Variants in ATF6 observed in about 807,000 individuals in gnomAD.
ATF6 encodes the protein activating transcription factor 6.
Under a neutral mutation model 83.6 loss-of-function variants are expected in ATF6, and 53 were observed. The observed-to-expected ratio is 0.63, with a 90% CI of 0.51 to 0.80. ATF6 has a LOEUF of 0.80. Ranked by LOEUF, ATF6 falls within the 30% of genes least tolerant of loss-of-function variation. The pLI, the probability that ATF6 is intolerant of heterozygous loss-of-function variation, is 0.00. For missense variants in ATF6, 744 were observed against 797.9 expected (o/e 0.93, Z 0.81); for synonymous variants, 288 against 285.8 (o/e 1.01, Z -0.08).
intron 1 of ATF6, among the ~76,000 whole-genome samples, chr1:161,773,178 C>G (rs948217340): frequency 6.8e-5 from 10 of 147,714 alleles, no homozygotes; most frequent in Admixed American, 2.9e-4. Context: ...CTCTGTTACC[C>G]AGGCTGGAGT....
chr1:161,826,235 GAAGCCCTC>G lies in ATF6; in HGVS notation c.1187+5076_1187+5083del, dbSNP rs573762264. On this transcript the variant is annotated intron_variant, in intron 9 of 15. Transcript: ENST00000367942. The stretch of plus-strand genomic sequence containing the variant: ...GGGTTAGGGGGGACATCTCATTGTG[GAAGCCCTC>G]ATGAATCAATAGAATTTTAGGAAAG... Among the ~76,000 whole-genome samples the G allele has an allele frequency of 2.6e-4, 39 of 152,246 alleles. No individual in the cohort carries two copies. In the South Asian group the frequency reaches 7.3e-3, roughly 28 times the overall value.
At chr1:161,945,246 A>G (rs1688726489) in intron 15 of ATF6, among the ~76,000 whole-genome samples, 1 of 152,256 alleles carries the variant, frequency 6.6e-6, no homozygotes, top group Non-Finnish European at 1.5e-5. Flanking sequence ...GTTGGATCCT[A>G]TCAGTAATTT....
Position 161,912,301 on chromosome 1 carries a change from C to G in ATF6, c.1725C>G (p.His575Gln). 1 of 1,602,358 alleles carries G rather than the reference C, an allele frequency of 6.2e-7. No individual in the cohort carries two copies. ...TTGTTCTTTGTTAATTTTAGGATCA[C>G]CTGCTGTTACCAGCTACCACCCATA... is the stretch of plus-strand genomic sequence containing the variant. ...TFYVVSFRRDHLLLPATTHNK... is the reference protein window; with the variant it reads ...TFYVVSFRRDQLLLPATTHNK... The change falls in exon 15 of 16, where the codon CAC (histidine) becomes CAG (glutamine). Residue 575 changes from histidine (H) to glutamine (Q), a missense_variant. His to Gln is a conservative substitution (Grantham distance 24). Coordinates refer to ENST00000367942, the MANE Select transcript of ATF6 (RefSeq NM_007348.4).
At chr1:161,904,775 G>A (rs1220624581) in intron 14 of ATF6, among the ~76,000 whole-genome samples, 1 of 152,094 alleles carries the variant, frequency 6.6e-6, no homozygotes, top group Non-Finnish European at 1.5e-5. Context: ...GCTTTATATA[G>A]TATCATACCT....
intron 10 of ATF6, among the ~76,000 whole-genome samples, chr1:161,848,655 G>C (rs1398529190): frequency 6.6e-6 from 1 of 152,116 alleles, no homozygotes; most frequent in Non-Finnish European, 1.5e-5. Flanking sequence ...GGATAAATGA[G>C]AAAGGATGGT....
intron 7 of ATF6, among the ~76,000 whole-genome samples, chr1:161,818,069 C>G (rs1336806444): frequency 6.7e-6 from 1 of 149,748 alleles, no homozygotes; most frequent in Non-Finnish European, 1.5e-5. Context: ...CCACCGTACT[C>G]CAGCCTGGGC....
chr1:161,835,884 T>A (rs1014166608), intron 9 of ATF6, among the ~76,000 whole-genome samples: 10 of 152,252 alleles, frequency 6.6e-5, no homozygotes, highest in Non-Finnish European at 1.5e-4. Context: ...AAGGAGGTTT[T>A]AAATATGTTT....
intron 14 of ATF6, among the ~76,000 whole-genome samples, chr1:161,879,561 G>C (rs1460385068): frequency 6.6e-6 from 1 of 152,062 alleles, no homozygotes; most frequent in African/African-American, 2.4e-5. Flanking sequence ...TGGAGGGGCT[G>C]TCCTATGCAA....
intron 15 of ATF6, among the ~76,000 whole-genome samples, chr1:161,934,259 C>G (rs1688490592): frequency 6.6e-6 from 1 of 152,124 alleles, no homozygotes; most frequent in Non-Finnish European, 1.5e-5. Context: ...CCTCCATCCT[C>G]CTCTAACAGA....
chr1:161,885,915 AT>A (rs1385364984), intron 14 of ATF6, among the ~76,000 whole-genome samples: 2 of 152,238 alleles, frequency 1.3e-5, no homozygotes, highest in African/African-American at 4.8e-5. Flanking sequence ...TAAAACTAGT[AT>A]GTTTGAAGCA....
At position 161,959,345 on chromosome 1, in the gene ATF6, T is replaced by C. The variant is rs1283359505; in HGVS notation, c.*691T>C. ...AATAGAAGGGTAAGGGAAGGGCCAGTGGTGGGGTTTGGAGAGAGGAGATAG... is the reference window on the plus strand; with the variant it reads ...AATAGAAGGGTAAGGGAAGGGCCAGCGGTGGGGTTTGGAGAGAGGAGATAG... On this transcript the variant is annotated 3_prime_UTR_variant, in exon 16 of 16. Transcript: ENST00000367942. 1 of 152,008 alleles carries C rather than the reference T, an allele frequency of 6.6e-6. No individual in the cohort carries two copies. The highest frequency in any genetic ancestry group is 1.5e-5 in the Non-Finnish European group (1 of 68,036). The allele number at this position is 152,008 out of a possible 1,614,324, so 9.4% of individuals were successfully genotyped here.
intron 11 of ATF6, 119 bp from the exon 12 acceptor site, chr1:161,853,105 C>A: frequency 1.5e-6 from 1 of 666,022 alleles, no homozygotes; most frequent in Non-Finnish European, 2.5e-6. Flanking sequence ...AGTCATCAGG[C>A]ACTTGGAATG....
At chr1:161,840,791 G>C (rs1339148724) in intron 9 of ATF6, among the ~76,000 whole-genome samples, 2 of 152,128 alleles carry the variant, frequency 1.3e-5, no homozygotes, top group East Asian at 1.9e-4. Flanking sequence ...AGGTTTATTG[G>C]TGTAATGATT....
chr1:161,896,153 G>A (rs1431799857), intron 14 of ATF6, among the ~76,000 whole-genome samples: 1 of 152,164 alleles, frequency 6.6e-6, no homozygotes, highest in Non-Finnish European at 1.5e-5. Context: ...TGTCGCCCAG[G>A]CTGGAGTGCA....
intron 1 of ATF6, among the ~76,000 whole-genome samples, chr1:161,774,439 A>G (rs896756867): frequency 2.7e-5 from 4 of 148,244 alleles, no homozygotes; most frequent in Non-Finnish European, 4.5e-5. Flanking sequence ...ACACACACAT[A>G]CACACATATA....
rs1388487034 is a variant in ATF6, at chr1:161,958,892, C to G, written c.*238C>G. The G allele has an allele frequency of 9.7e-6, 4 of 410,722 alleles. No homozygotes were observed. Among genetic ancestry groups the G allele is most frequent in the African/African-American group, 2.0e-5 (1 of 49,714 alleles). 25.4% of individuals were successfully genotyped at this position (410,722 alleles called of 1,614,324 possible). Reference sequence around the variant, plus strand: ...TGTTTCTTCAGTGGCAAATGTAGCCCTGCATCCTCCAGTGTTACCTGGTGT... The same window carrying G: ...TGTTTCTTCAGTGGCAAATGTAGCCGTGCATCCTCCAGTGTTACCTGGTGT... On this transcript the variant is annotated 3_prime_UTR_variant, in exon 16 of 16. Coordinates refer to ENST00000367942, the MANE Select transcript of ATF6 (RefSeq NM_007348.4).
intron 14 of ATF6, among the ~76,000 whole-genome samples, chr1:161,867,280 G>A (rs1035042512): frequency 6.6e-6 from 1 of 151,992 alleles, no homozygotes; most frequent in Non-Finnish European, 1.5e-5. Flanking sequence ...GGGTGACAGA[G>A]TGAGACTCCA....
At chr1:161,811,254 C>T (rs373597230) in intron 7 of ATF6, among the ~76,000 whole-genome samples, 1 of 152,168 alleles carries the variant, frequency 6.6e-6, no homozygotes, top group Admixed American at 6.5e-5. Context: ...GGGATATTCC[C>T]TCTGAAAGAT....
At chr1:161,828,704 C>T (rs747742354) in intron 9 of ATF6, among the ~76,000 whole-genome samples, 2 of 152,184 alleles carry the variant, frequency 1.3e-5, no homozygotes, top group Non-Finnish European at 2.9e-5. Flanking sequence ...CTCAAAGCCC[C>T]TACCTAATCA....
Sources: allele counts gnomAD v4.1 joint callset (sites outside exome capture counted in the v4.1 genomes callset), GRCh38; gene constraint gnomAD v4.1.1; transcripts MANE v1.5; gene names NCBI Gene and HGNC (gene_info 2026-07-23, HGNC 2026-07-21).